The following PRDM16 variants were observed in gnomAD, a reference collection of about 807,000 sequenced individuals.
PRDM16 encodes PR/SET domain 16, also known as histone-lysine N-methyltransferase PRDM16.
A neutral mutation model predicts 110.6 loss-of-function variants in PRDM16; 23 were observed. The observed-to-expected ratio is 0.21, with a 90% CI of 0.15 to 0.29. The LOEUF (loss-of-function observed/expected upper bound fraction) is 0.29. Ranked by LOEUF, PRDM16 falls within the 10% of genes least tolerant of loss-of-function variation. The probability of loss-of-function intolerance (pLI) is 1.00; values close to 1 mark genes in which losing one functional copy is unlikely to be tolerated. For synonymous variants in PRDM16, 799 were observed against 781.8 expected (o/e 1.02, Z -0.37); for missense variants, 1,615 against 1,794.3 (o/e 0.90, Z 1.81).
At chr1:3,289,348 C>T (rs1002497803) in intron 3 of PRDM16, among the ~76,000 whole-genome samples, 3 of 152,222 alleles carry the variant, frequency 2.0e-5, no homozygotes, top group Non-Finnish European at 4.4e-5. Context: ...TCTGGTGTCC[C>T]GATGCCCGCC....
chr1:3,293,977 AT>A (rs1201289626), intron 3 of PRDM16, among the ~76,000 whole-genome samples: 1 of 152,102 alleles, frequency 6.6e-6, no homozygotes, highest in Non-Finnish European at 1.5e-5. Flanking sequence ...ATATGACAGG[AT>A]TCGGGTTTCT....
chr1:3,404,005 A>G (rs1643517585), intron 6 of PRDM16, among the ~76,000 whole-genome samples: 1 of 152,246 alleles, frequency 6.6e-6, no homozygotes, highest in African/African-American at 2.4e-5. Context: ...TTTTCTTTAC[A>G]TAAACACATA....
chr1:3,119,215 C>G (rs2472822), intron 1 of PRDM16, among the ~76,000 whole-genome samples: 93,744 of 152,194 alleles, frequency 0.62, 30,852 homozygotes, highest in East Asian at 0.85. Context: ...TTCAGGAGCA[C>G]CCCACCCCGG....
intron 6 of PRDM16, among the ~76,000 whole-genome samples, chr1:3,404,280 G>A (rs924587237): frequency 6.6e-6 from 1 of 152,198 alleles, no homozygotes; most frequent in South Asian, 2.1e-4. Flanking sequence ...GGAGACCCCC[G>A]AGTGACTCCC....
At chr1:3,315,451 C>T (rs114913057) in intron 3 of PRDM16, among the ~76,000 whole-genome samples, 407 of 152,104 alleles carry the variant, frequency 2.7e-3, no homozygotes, top group African/African-American at 9.6e-3. Context: ...CAAGGAGGGC[C>T]GGGTAGGAAG....
Position 3,360,512 on chromosome 1 carries a change from G to A in PRDM16, c.439-24640G>A, listed in dbSNP as rs72633306. ...CCCCAGCAGAGCCCGGTCCAAGTGC[G>A]GGATGGACTGTGGCGTAGATGCTGG... On this transcript the variant is annotated intron_variant, in intron 3 of 16. Coordinates refer to ENST00000270722, the MANE Select transcript of PRDM16 (RefSeq NM_022114.4). Among the ~76,000 whole-genome samples the A allele has an allele frequency of 7.7e-3, 1,173 of 152,280 alleles. 12 individuals are homozygous for A. The highest frequency in any genetic ancestry group is 0.01 in the Middle Eastern group (3 of 294).
intron 3 of PRDM16, among the ~76,000 whole-genome samples, chr1:3,273,975 G>GGAAAAA (rs1569971594): frequency 1.3e-5 from 1 of 76,484 alleles, no homozygotes; most frequent in African/African-American, 1.0e-4. Flanking sequence ...GTATGGGGAG[G>GGAAAAA]TAAAAAAAAA....
chr1:3,407,843 G>A (rs1294228295), intron 8 of PRDM16, among the ~76,000 whole-genome samples: 4 of 152,238 alleles, frequency 2.6e-5, no homozygotes, highest in African/African-American at 9.6e-5. Flanking sequence ...CCCCGCCTCG[G>A]CGACTCTTGC....
At chr1:3,200,426 T>C (rs1416590440) in intron 2 of PRDM16, among the ~76,000 whole-genome samples, 1 of 152,210 alleles carries the variant, frequency 6.6e-6, no homozygotes, top group Non-Finnish European at 1.5e-5. Context: ...CACTGCAAGC[T>C]CCGCCTCCCG....
chr1:3,394,948 TCTC>T (rs1643363071), intron 4 of PRDM16, among the ~76,000 whole-genome samples: 1 of 152,034 alleles, frequency 6.6e-6, no homozygotes, highest in Non-Finnish European at 1.5e-5. Flanking sequence ...CACTTTTACA[TCTC>T]CTCATAATTT....
intron 1 of PRDM16, among the ~76,000 whole-genome samples, chr1:3,118,373 C>A (rs564784086): frequency 6.6e-6 from 1 of 152,306 alleles, no homozygotes; most frequent in African/African-American, 2.4e-5. Flanking sequence ...CCCCACCTGG[C>A]CCCTCGGAAG....
intron 1 of PRDM16, among the ~76,000 whole-genome samples, chr1:3,159,473 G>A (rs907460581): frequency 1.3e-5 from 2 of 152,218 alleles, no homozygotes; most frequent in African/African-American, 4.8e-5. Flanking sequence ...CCCTCTGTGT[G>A]TCTGTGTCCT....
At chr1:3,094,306 C>T (rs1267091969) in intron 1 of PRDM16, among the ~76,000 whole-genome samples, 1 of 152,242 alleles carries the variant, frequency 6.6e-6, no homozygotes, top group Non-Finnish European at 1.5e-5. Flanking sequence ...CTAAGCACCC[C>T]TTGGGCAGCC....
chr1:3,073,668 G>A (rs1004278054), intron 1 of PRDM16, among the ~76,000 whole-genome samples: 21 of 152,104 alleles, frequency 1.4e-4, no homozygotes, highest in African/African-American at 5.1e-4. Context: ...GGGGAGCGGG[G>A]CCTGGGGGAC....
At chr1:3,413,423 A>C (rs535350570) in intron 9 of PRDM16, among the ~76,000 whole-genome samples, 1 of 152,162 alleles carries the variant, frequency 6.6e-6, no homozygotes, top group Admixed American at 6.5e-5. Flanking sequence ...TGTGTCTCTG[A>C]TGCCTCTCTT....
chr1:3,072,780 G>A (rs1023564924), intron 1 of PRDM16, among the ~76,000 whole-genome samples: 3 of 152,212 alleles, frequency 2.0e-5, no homozygotes, highest in Non-Finnish European at 2.9e-5. Context: ...GTCTTGCCCC[G>A]CTTCGGACGA....
intron 3 of PRDM16, among the ~76,000 whole-genome samples, chr1:3,320,885 G>A: frequency 6.6e-6 from 1 of 152,234 alleles, no homozygotes; most frequent in Non-Finnish European, 1.5e-5. Flanking sequence ...TCCTGGGGAG[G>A]ATGGTGGTTT....
chr1:3,409,749 G>A (rs1228220834), intron 8 of PRDM16, among the ~76,000 whole-genome samples: 1 of 140,942 alleles, frequency 7.1e-6, no homozygotes, highest in Non-Finnish European at 1.5e-5. Flanking sequence ...TGTGTGTGTG[G>A]TGTGGGTGTG....
intron 1 of PRDM16, among the ~76,000 whole-genome samples, chr1:3,073,959 C>G (rs1405372143): frequency 6.6e-6 from 1 of 152,204 alleles, no homozygotes; most frequent in East Asian, 1.9e-4. Flanking sequence ...GCCTGGGTTC[C>G]CTGCGACATC....
Sources: allele counts gnomAD v4.1 joint callset (sites outside exome capture counted in the v4.1 genomes callset), GRCh38; gene constraint gnomAD v4.1.1; transcripts MANE v1.5; gene names NCBI Gene and HGNC (gene_info 2026-07-23, HGNC 2026-07-21).